NF1: variants seen among roughly 807,000 people sequenced by gnomAD.
The protein encoded by NF1 is neurofibromin.
In NF1, 122 loss-of-function variants were observed where a neutral mutation model predicts 325.7. That is an observed-to-expected ratio of 0.37 (90% CI 0.32 to 0.44). The LOEUF is 0.44. NF1 is among the 20% of genes least tolerant of loss of function. The pLI is 1.00. For synonymous variants in NF1, 1,091 were observed against 1,186.0 expected (o/e 0.92, Z 1.65); for missense variants, 2,140 against 3,415.4 (o/e 0.63, Z 9.31).
At chr17:31,289,021 C>T (rs779053139) in intron 36 of NF1, among the ~76,000 whole-genome samples, 31 of 152,138 alleles carry the variant, frequency 2.0e-4, no homozygotes, top group Non-Finnish European at 3.8e-4. Flanking sequence ...GCCAACTAGT[C>T]ACATCTTTGA....
chr17:31,244,804 A>G (rs1179817996), intron 29 of NF1, among the ~76,000 whole-genome samples: 1 of 152,104 alleles, frequency 6.6e-6, no homozygotes, highest in Non-Finnish European at 1.5e-5. Context: ...TTCAGTTCTT[A>G]TGAAGGTGCT....
At chr17:31,176,389 T>C (rs909652129) in intron 5 of NF1, among the ~76,000 whole-genome samples, 3 of 152,232 alleles carry the variant, frequency 2.0e-5, no homozygotes, top group African/African-American at 7.2e-5. Context: ...TTAAGTTCTT[T>C]GTAGGTTCTG....
intron 22 of NF1, 116 bp downstream of exon 22, chr17:31,230,090 T>C (rs1391959340): frequency 7.0e-7 from 1 of 1,436,874 alleles, no homozygotes; most frequent in African/African-American, 1.4e-5. Flanking sequence ...GCACACAAAC[T>C]AGGGTGTGAC....
At chr17:31,320,508 T>A in intron 36 of NF1, 1 of 1,271,694 alleles carries the variant, frequency 7.9e-7, no homozygotes, top group Non-Finnish European at 1.1e-6. Flanking sequence ...GGCTGACATT[T>A]GTATACTATT....
intron 11 of NF1, among the ~76,000 whole-genome samples, chr17:31,202,038 C>G (rs2066539692): frequency 6.6e-6 from 1 of 151,996 alleles, no homozygotes; most frequent in Non-Finnish European, 1.5e-5. Flanking sequence ...TAGGTATTAA[C>G]AAGATACAAA....
At position 31,261,722 on chromosome 17, in the gene NF1, C is replaced by G. The variant is rs1225501462; in HGVS notation, c.4589C>G (p.Ala1530Gly). The G allele has an allele frequency of 6.2e-7, 1 of 1,611,920 alleles. No homozygotes were observed. Among genetic ancestry groups the G allele is most frequent in the African/African-American group, 1.3e-5 (1 of 74,814 alleles). ...TTTGCTGTATCTAGGGATCATAAAG[C>G]TGTTGGAAGACGACCTTTTGATAAG... is the stretch of plus-strand genomic sequence containing the variant. ...QYLSSNRDHK[A>G]VGRRPFDKMA... The change falls in exon 35 of 58, where the codon GCT becomes GGT. Residue 1530 changes from alanine (A) to glycine (G), a missense_variant. Around this residue, in one of 10 missense-constraint regions of NF1, gnomAD observed 103 missense variants for 214.6 expected, o/e 0.48. Coordinates refer to ENST00000358273, the MANE Select transcript of NF1 (RefSeq NM_001042492.3).
intron 23 of NF1, 49 bp downstream of exon 23, chr17:31,230,431 C>T (rs1308318305): frequency 6.2e-7 from 1 of 1,604,386 alleles, no homozygotes; most frequent in Non-Finnish European, 8.5e-7. Context: ...TTAATATGTC[C>T]AATGAAGTAC....
chr17:31,142,760 G>C (rs1428500983), intron 1 of NF1, among the ~76,000 whole-genome samples: 3 of 151,944 alleles, frequency 2.0e-5, no homozygotes, highest in Admixed American at 2.0e-4. Flanking sequence ...CCAGCTACTC[G>C]GGAGGCTGAG....
intron 36 of NF1, among the ~76,000 whole-genome samples, chr17:31,278,818 T>C (rs1424995053): frequency 2.0e-5 from 3 of 152,158 alleles, no homozygotes; most frequent in Middle Eastern, 6.8e-3. Context: ...TTTCACCACA[T>C]TGGCCAGGCT....
chr17:31,140,422 A>G (rs1180648496), intron 1 of NF1, among the ~76,000 whole-genome samples: 1 of 152,240 alleles, frequency 6.6e-6, no homozygotes, highest in Non-Finnish European at 1.5e-5. Flanking sequence ...TTATAGCAAT[A>G]CTGTTATCTT....
At chr17:31,195,358 T>C (rs2066416268) in intron 8 of NF1, among the ~76,000 whole-genome samples, 1 of 152,168 alleles carries the variant, frequency 6.6e-6, no homozygotes, top group Non-Finnish European at 1.5e-5. Flanking sequence ...CTGTGTAGTT[T>C]TTCTGTCTCT....
At chr17:31,124,668 C>T (rs1270735862) in intron 1 of NF1, among the ~76,000 whole-genome samples, 2 of 138,964 alleles carry the variant, frequency 1.4e-5, no homozygotes, top group Admixed American at 7.9e-5. Flanking sequence ...GGTGCGAACT[C>T]GGCTCACTGC....
intron 36 of NF1, among the ~76,000 whole-genome samples, chr17:31,289,980 C>T (rs147837538): frequency 1.2e-3 from 184 of 151,948 alleles, no homozygotes; most frequent in African/African-American, 4.2e-3. Flanking sequence ...TTCTCAATTA[C>T]GTGGTTGGCC....
At chr17:31,308,926 A>G (rs2068800442) in intron 36 of NF1, among the ~76,000 whole-genome samples, 1 of 152,238 alleles carries the variant, frequency 6.6e-6, no homozygotes, top group Non-Finnish European at 1.5e-5. Context: ...GAACAAGATT[A>G]TAAAGAACCT....
intron 37 of NF1, 44 bp from the exon 38 acceptor site, chr17:31,327,455 A>G: frequency 6.8e-7 from 1 of 1,465,998 alleles, no homozygotes; most frequent in Non-Finnish European, 9.5e-7. Context: ...TATGTAAAAG[A>G]GTTTAATTCT....
chr17:31,206,943 A>G (rs1482768128), intron 12 of NF1, among the ~76,000 whole-genome samples: 1 of 152,202 alleles, frequency 6.6e-6, no homozygotes, highest in Non-Finnish European at 1.5e-5. Context: ...AAAATTGGGT[A>G]TTCTCACAGA....
At position 31,259,078 on chromosome 17, in the gene NF1, A is replaced by G. The variant is rs748990989; in HGVS notation, c.4379A>G (p.His1460Arg). ...CATGTTCTCTTCACAAAAGAAGAAC[A>G]TATGCGGCCTTTCAATGATTTTGTG... Reference protein sequence around the residue: ...ANHVLFTKEEHMRPFNDFVKS... With the variant: ...ANHVLFTKEERMRPFNDFVKS... Residue 1460 changes from histidine to arginine, a missense_variant, in exon 33 of 58, where the codon CAT (histidine) becomes CGT (arginine). His to Arg is a conservative substitution (Grantham distance 29, BLOSUM62 0). Transcript: ENST00000358273. The G allele has an allele frequency of 2.5e-6, 4 of 1,605,256 alleles. No homozygotes were observed. Among genetic ancestry groups the G allele is most frequent in the Non-Finnish European group, 3.4e-6 (4 of 1,174,738 alleles).
At chr17:31,239,684 A>G (rs2067261923) in intron 29 of NF1, among the ~76,000 whole-genome samples, 1 of 152,086 alleles carries the variant, frequency 6.6e-6, no homozygotes, top group Admixed American at 6.5e-5. Context: ...GGGGTACATG[A>G]AATATTTTGA....
At chr17:31,290,243 T>G (rs2068319033) in intron 36 of NF1, among the ~76,000 whole-genome samples, 1 of 152,178 alleles carries the variant, frequency 6.6e-6, no homozygotes, top group Non-Finnish European at 1.5e-5. Flanking sequence ...TAAATAGCCT[T>G]CCACCTGAAG....
Sources: allele counts gnomAD v4.1 joint callset (sites outside exome capture counted in the v4.1 genomes callset), GRCh38; gene constraint gnomAD v4.1.1; regional missense constraint gnomAD v4.1.1; transcripts MANE v1.5; gene names NCBI Gene and HGNC (gene_info 2026-07-23, HGNC 2026-07-21).